Variants in MIPOL1 observed in about 807,000 individuals in gnomAD.
MIPOL1 encodes mirror-image polydactyly 1, also known as mirror-image polydactyly gene 1 protein.
In MIPOL1, 57 loss-of-function variants were observed where a neutral mutation model predicts 60.9. The ratio of observed to expected loss-of-function variants is 0.94; its 90% confidence interval spans 0.76 to 1.17. The LOEUF (loss-of-function observed/expected upper bound fraction) is 1.17, where lower values mean the gene tolerates loss of function less well. Ranked by LOEUF, MIPOL1 falls within the 50% of genes most tolerant of loss-of-function variation. The pLI, the probability that MIPOL1 is intolerant of heterozygous loss-of-function variation, is 0.00. For synonymous variants in MIPOL1, 179 were observed against 168.8 expected (o/e 1.06, Z -0.47); for missense variants, 551 against 511.6 (o/e 1.08, Z -0.74).
intron 10 of MIPOL1, among the ~76,000 whole-genome samples, chr14:37,380,563 C>T (rs2092899207): frequency 6.6e-6 from 1 of 152,012 alleles, no homozygotes; most frequent in African/African-American, 2.4e-5. Context: ...ATAACCTCTG[C>T]CATGAAAGGA....
intron 7 of MIPOL1, among the ~76,000 whole-genome samples, chr14:37,298,985 A>G (rs1567350619): frequency 6.6e-6 from 1 of 151,654 alleles, no homozygotes; most frequent in Non-Finnish European, 1.5e-5. Flanking sequence ...GCTGCTATAA[A>G]GACACATGCA....
Position 37,357,976 on chromosome 14 carries a change from C to G in MIPOL1, c.829-11541C>G, listed in dbSNP as rs142753559. Among the ~76,000 whole-genome samples, 1,480 of 152,156 alleles carry G rather than the reference C, an allele frequency of 9.7e-3. 11 individuals are homozygous for G. The highest frequency in any genetic ancestry group is 0.015 in the Non-Finnish European group (1,006 of 68,020). On this transcript the variant is annotated intron_variant, in intron 9 of 12. Transcript: ENST00000684589. ...TTTATGTTAGGTATTTCTCCTAATG[C>G]TATCCCTCCCCCAGCTTCCTGCCCC...
In MIPOL1 at chr14:37,270,507, A is replaced by G. The variant is rs777738002; in HGVS notation, c.475A>G (p.Ile159Val). Residue 159 changes from isoleucine (I) to valine (V), a missense_variant, in exon 6 of 13, where the codon ATT becomes GTT. Ile to Val is a conservative substitution (Grantham distance 29, BLOSUM62 3). Coordinates refer to ENST00000684589, the MANE Select transcript of MIPOL1 (RefSeq NM_001388067.1). ...CCAAGAGAAAGAAACAGAAGCTAAA[A>G]TTGCTGAAAAGACAGCAGGTATAGT... ...ELQEKETEAK[I>V]AEKTAALVEE... 11 of 1,597,092 alleles carry G rather than the reference A, an allele frequency of 6.9e-6. No homozygotes were observed. Among genetic ancestry groups the G allele is most frequent in the Non-Finnish European group, 1.7e-6 (2 of 1,170,676 alleles).
chr14:37,302,382 A>G (rs141638252), intron 7 of MIPOL1, among the ~76,000 whole-genome samples: 227 of 139,492 alleles, frequency 1.6e-3, no homozygotes, highest in Middle Eastern at 0.016. Flanking sequence ...ATCTTTTTAT[A>G]TGTTTATTTT....
At chr14:37,426,592 T>TATATATATATATATAC (rs1358064212) in intron 11 of MIPOL1, among the ~76,000 whole-genome samples, 2 of 126,664 alleles carry the variant, frequency 1.6e-5, no homozygotes, top group East Asian at 2.2e-4. Context: ...TATATATATA[T>TATATATATATATATAC]ATACACACAC....
At chr14:37,338,723 A>G (rs2090372001) in intron 9 of MIPOL1, among the ~76,000 whole-genome samples, 1 of 152,152 alleles carries the variant, frequency 6.6e-6, no homozygotes, top group African/African-American at 2.4e-5. Context: ...TTATCAAGGT[A>G]CCAAATCAGC....
chr14:37,478,628 T>C (rs1812873295), intron 11 of MIPOL1, among the ~76,000 whole-genome samples: 2 of 151,470 alleles, frequency 1.3e-5, no homozygotes, highest in Admixed American at 1.3e-4. Flanking sequence ...AGTGGCTGAA[T>C]GAAAAAAAAA....
In MIPOL1 at chr14:37,214,615, A is replaced by G. The variant is rs1967272223; in HGVS notation, c.-199+16511A>G. ...TTTGTAGCAATTACTCTTTATTCCA[A>G]TATTATAATAATTCTTGCTCTACAA... On this transcript the variant is annotated intron_variant, in intron 1 of 12. Transcript: ENST00000684589. 2.6e-5 allele frequency among the ~76,000 whole-genome samples: 4 copies of G among 152,284 alleles called. No homozygotes were observed. In the South Asian group the frequency reaches 8.3e-4, roughly 32 times the overall value.
chr14:37,316,839 G>A (rs943760202), intron 9 of MIPOL1, among the ~76,000 whole-genome samples: 1 of 151,956 alleles, frequency 6.6e-6, no homozygotes, highest in Non-Finnish European at 1.5e-5. Context: ...TTAGCTGGGC[G>A]CAGTGGCAGG....
chr14:37,264,790 AT>A (rs2082753753), intron 3 of MIPOL1, among the ~76,000 whole-genome samples: 2 of 152,110 alleles, frequency 1.3e-5, no homozygotes, highest in South Asian at 4.1e-4. Flanking sequence ...CAAATGAAGG[AT>A]TATCTAATGT....
At chr14:37,472,731 T>C (rs1024467386) in intron 11 of MIPOL1, among the ~76,000 whole-genome samples, 1 of 152,182 alleles carries the variant, frequency 6.6e-6, no homozygotes, top group African/African-American at 2.4e-5. Context: ...TATTCTGAGC[T>C]GGATTATGTT....
chr14:37,461,937 C>T (rs1594482988), intron 11 of MIPOL1, among the ~76,000 whole-genome samples: 2 of 152,162 alleles, frequency 1.3e-5, no homozygotes, highest in African/African-American at 2.4e-5. Context: ...ACAGTGCAAG[C>T]TGTCAGTAGA....
chr14:37,292,018 C>T (rs1294970714), intron 7 of MIPOL1, among the ~76,000 whole-genome samples: 1 of 149,296 alleles, frequency 6.7e-6, no homozygotes, highest in Non-Finnish European at 1.5e-5. Context: ...CTCCACCTCC[C>T]GGGTTCATGC....
At chr14:37,286,786 C>CA (rs902828285) in intron 7 of MIPOL1, among the ~76,000 whole-genome samples, 2 of 151,366 alleles carry the variant, frequency 1.3e-5, no homozygotes, top group South Asian at 2.1e-4. Context: ...AATCAAGAAA[C>CA]AAAAAAAATC....
intron 6 of MIPOL1, among the ~76,000 whole-genome samples, chr14:37,275,475 G>C (rs978744544): frequency 4.0e-5 from 6 of 151,198 alleles, no homozygotes; most frequent in African/African-American, 1.5e-4. Flanking sequence ...GCTATGGCCT[G>C]ATTTGCATCC....
chr14:37,479,969 C>T (rs1479871955), intron 11 of MIPOL1, among the ~76,000 whole-genome samples: 3 of 152,010 alleles, frequency 2.0e-5, no homozygotes, highest in African/African-American at 4.8e-5. Context: ...ATAACAGAAC[C>T]TACCAACACT....
At chr14:37,291,555 T>G (rs1371565144) in intron 7 of MIPOL1, among the ~76,000 whole-genome samples, 1 of 152,232 alleles carries the variant, frequency 6.6e-6, no homozygotes, top group Non-Finnish European at 1.5e-5. Flanking sequence ...TTTTCTTTTC[T>G]TTTTCTTTAT....
chr14:37,318,646 A>C (rs1416456563), intron 9 of MIPOL1, among the ~76,000 whole-genome samples: 1 of 16,260 alleles, frequency 6.2e-5, no homozygotes, highest in Non-Finnish European at 4.7e-4. Context: ...AAAAAGAAGG[A>C]AAAAATTGCC....
intron 11 of MIPOL1, among the ~76,000 whole-genome samples, chr14:37,438,453 C>G (rs982282538): frequency 1.1e-4 from 17 of 152,048 alleles, no homozygotes; most frequent in Non-Finnish European, 2.5e-4. Context: ...ACTAACATCC[C>G]CTAGGTTACA....
Sources: gnomAD v4.1 joint callset for allele counts (sites outside exome capture counted in the v4.1 genomes callset) on GRCh38, gnomAD v4.1.1 for gene constraint, MANE v1.5 for transcripts, NCBI Gene and HGNC (gene_info 2026-07-23, HGNC 2026-07-21) for gene names.